AOPEP: variants seen among roughly 807,000 people sequenced by gnomAD.
The protein encoded by AOPEP is aminopeptidase O.
A neutral mutation model predicts 98.1 loss-of-function variants in AOPEP; 77 were observed. The ratio of observed to expected loss-of-function variants is 0.78; its 90% CI spans 0.65 to 0.95. The LOEUF (loss-of-function observed/expected upper bound fraction) is 0.95. AOPEP is among the 40% of genes least tolerant of loss of function. The pLI is 0.00. For missense variants in AOPEP, 1,024 were observed against 1,024.7 expected, an observed-to-expected ratio of 1.00 and a Z score of 0.01; for synonymous variants, 346 against 365.3, an observed-to-expected ratio of 0.95 and a Z score of 0.60.
At chr9:94,822,542 T>C (rs1272960843) in intron 5 of AOPEP, among the ~76,000 whole-genome samples, 4 of 152,220 alleles carry the variant, frequency 2.6e-5, no homozygotes, top group Admixed American at 2.6e-4. Context: ...ACCTTCCAGA[T>C]TTTTCTTTTC....
chr9:95,110,022 A>G, the AOPEP span, among the ~76,000 whole-genome samples: 10 of 152,202 alleles, frequency 6.6e-5, no homozygotes, highest in African/African-American at 2.2e-4. Flanking sequence ...CACTGGATTG[A>G]ACTGCCAGGC....
intron 6 of AOPEP, among the ~76,000 whole-genome samples, chr9:94,925,726 C>G (rs768835306): frequency 6.6e-6 from 1 of 152,182 alleles, no homozygotes; most frequent in Non-Finnish European, 1.5e-5. Context: ...TGAGGAGAGG[C>G]CACATGATAG....
chr9:94,727,367 A>G (rs1437382391), intron 1 of AOPEP, among the ~76,000 whole-genome samples: 1 of 152,206 alleles, frequency 6.6e-6, no homozygotes. Context: ...TTAGGATCCA[A>G]TCCACTGTTG....
At chr9:94,928,799 T>G in intron 7 of AOPEP, 1 of 413,130 alleles carries the variant, frequency 2.4e-6, no homozygotes, top group Non-Finnish European at 4.4e-6. Context: ...GTTCTAACAG[T>G]CACTTTACGT....
chr9:94,871,437 A>G (rs1391308369), intron 5 of AOPEP, among the ~76,000 whole-genome samples: 1 of 152,224 alleles, frequency 6.6e-6, no homozygotes, highest in Non-Finnish European at 1.5e-5. Flanking sequence ...TAAATCTGAC[A>G]CATACCTCAA....
intron 13 of AOPEP, among the ~76,000 whole-genome samples, chr9:95,006,452 A>T (rs775636130): frequency 6.6e-6 from 1 of 152,150 alleles, no homozygotes; most frequent in Non-Finnish European, 1.5e-5. Flanking sequence ...ATTGCTGCCA[A>T]TTTCTGTGCT....
intron 13 of AOPEP, among the ~76,000 whole-genome samples, chr9:95,014,464 C>G (rs2062820238): frequency 6.6e-6 from 1 of 151,622 alleles, no homozygotes; most frequent in Non-Finnish European, 1.5e-5. Context: ...AGAGCAAGAC[C>G]CTGTTTCAAA....
chr9:94,750,043 A>C (rs1435215869), intron 1 of AOPEP, among the ~76,000 whole-genome samples: 1 of 152,176 alleles, frequency 6.6e-6, no homozygotes, highest in Non-Finnish European at 1.5e-5. Context: ...CAGACTTCTA[A>C]CTTTGCCTTT....
Position 94,992,603 on chromosome 9 carries a change from G to A in AOPEP, c.1978-12555G>A, listed in dbSNP as rs147659375. Among the ~76,000 whole-genome samples the A allele has an allele frequency of 7.9e-4, 120 of 152,302 alleles. 1 individual carries two copies. The highest frequency in any genetic ancestry group is 2.8e-3 in the African/African-American group (117 of 41,562). On this transcript the variant is annotated intron_variant, in intron 11 of 16. Coordinates refer to ENST00000375315, the MANE Select transcript of AOPEP (RefSeq NM_001193329.3). Reference sequence around the variant, plus strand: ...GGCTAGTCCTATAGTGGATGAAGACGTCAGTGAATCCATTAAATACCAGCT... The same window carrying A: ...GGCTAGTCCTATAGTGGATGAAGACATCAGTGAATCCATTAAATACCAGCT...
At chr9:95,002,743 A>T (rs934657262) in intron 11 of AOPEP, among the ~76,000 whole-genome samples, 47 of 152,338 alleles carry the variant, frequency 3.1e-4, no homozygotes, top group Non-Finnish European at 6.5e-4. Flanking sequence ...CCAGAACTAG[A>T]GGATAAGTGG....
At chr9:94,884,011 T>A (rs1441310495) in intron 5 of AOPEP, among the ~76,000 whole-genome samples, 1 of 152,186 alleles carries the variant, frequency 6.6e-6, no homozygotes, top group Non-Finnish European at 1.5e-5. Context: ...AGTTTCCTCA[T>A]GGGTTGCTTC....
the AOPEP span, among the ~76,000 whole-genome samples, chr9:95,125,853 T>C: frequency 6.6e-6 from 1 of 152,174 alleles, no homozygotes; most frequent in South Asian, 2.1e-4. Flanking sequence ...GAAGAGGGGC[T>C]GGGACACTCC....
chr9:94,849,832 C>T lies in AOPEP; in HGVS notation c.1364+48830C>T, dbSNP rs577976790. Among the ~76,000 whole-genome samples the T allele has an allele frequency of 3.9e-5, 6 of 152,102 alleles. No homozygotes were observed. The South Asian group carries it at 6.2e-4, about 16-fold the overall frequency. ...GGTGGATCACCTGAGGTCAGGAGTC[C>T]GAGACAAGCCTGGCCAACATGGCAA... is the stretch of plus-strand genomic sequence containing the variant. On this transcript the variant is annotated intron_variant, in intron 5 of 16. Coordinates refer to ENST00000375315, the MANE Select transcript of AOPEP (RefSeq NM_001193329.3).
chr9:95,017,562 G>A (rs1025763586), intron 13 of AOPEP, among the ~76,000 whole-genome samples: 1 of 152,180 alleles, frequency 6.6e-6, no homozygotes, highest in East Asian at 1.9e-4. Context: ...ATTTACTCCT[G>A]ATGACAAAGG....
intron 5 of AOPEP, among the ~76,000 whole-genome samples, chr9:94,878,070 C>G (rs545080278): frequency 3.3e-5 from 5 of 152,034 alleles, no homozygotes; most frequent in African/African-American, 1.2e-4. Flanking sequence ...AACAGTTACT[C>G]TGGTTTTGTG....
intron 7 of AOPEP, among the ~76,000 whole-genome samples, chr9:94,951,108 G>A (rs2058072463): frequency 6.6e-6 from 1 of 152,208 alleles, no homozygotes; most frequent in South Asian, 2.1e-4. Flanking sequence ...GAAACCAAGG[G>A]CATTTGAGCT....
intron 7 of AOPEP, among the ~76,000 whole-genome samples, chr9:94,942,887 A>G (rs2057164694): frequency 6.8e-6 from 1 of 146,436 alleles, no homozygotes; most frequent in Non-Finnish European, 1.5e-5. Flanking sequence ...CCTAGGGGAC[A>G]CAGTGAGAGT....
intron 11 of AOPEP, among the ~76,000 whole-genome samples, chr9:95,002,874 GGGA>G (rs1479371172): frequency 2.0e-5 from 3 of 152,174 alleles, no homozygotes; most frequent in African/African-American, 7.2e-5. Flanking sequence ...GATGGCAATT[GGGA>G]GGAGAGTTGG....
chr9:94,831,069 A>G (rs987853813), intron 5 of AOPEP, among the ~76,000 whole-genome samples: 1 of 152,052 alleles, frequency 6.6e-6, no homozygotes, highest in African/African-American at 2.4e-5. Context: ...GATCCCGTAT[A>G]TCAGTTTTTG....
Sources: allele counts gnomAD v4.1 joint callset (sites outside exome capture counted in the v4.1 genomes callset), GRCh38; gene constraint gnomAD v4.1.1; transcripts MANE v1.5; gene names NCBI Gene and HGNC (gene_info 2026-07-23, HGNC 2026-07-21).